The following CERS6 variants were observed in gnomAD, a reference collection of about 807,000 sequenced individuals.
CERS6 encodes the protein LAG1 homolog, ceramide synthase 6.
A neutral mutation model predicts 56.8 loss-of-function variants in CERS6; 26 were observed. The ratio of observed to expected loss-of-function variants is 0.46; its 90% CI spans 0.34 to 0.63. CERS6 has a LOEUF of 0.63. Among genes scored for constraint, CERS6 ranks in the 30% least tolerant of loss-of-function variants. The pLI is 0.01. For synonymous variants in CERS6, 164 were observed against 173.3 expected (o/e 0.95, Z 0.42); for missense variants, 415 against 467.5 (o/e 0.89, Z 1.04).
chr2:168,725,553 C>A (rs1251107115), intron 8 of CERS6, among the ~76,000 whole-genome samples: 1 of 152,224 alleles, frequency 6.6e-6, no homozygotes, highest in South Asian at 2.1e-4. Flanking sequence ...TAACAACAGA[C>A]TTTCATATCA....
Position 168,650,375 on chromosome 2 carries a change from C to T in CERS6, c.465+19333C>T, listed in dbSNP as rs182001134. Among the ~76,000 whole-genome samples, 119 of 152,324 alleles carry T rather than the reference C, an allele frequency of 7.8e-4. 2 individuals carry two copies. The highest frequency in any genetic ancestry group is 6.7e-3 in the Admixed American group (102 of 15,294). On this transcript the variant is annotated intron_variant, in intron 4 of 9. Coordinates refer to ENST00000305747, the MANE Select transcript of CERS6 (RefSeq NM_203463.3). ...ACTCTGTTACTGTCTGTCCGTTCACCAGCACATCATTGACAGAGCTTGGGA... is the reference window on the plus strand; with the variant it reads ...ACTCTGTTACTGTCTGTCCGTTCACTAGCACATCATTGACAGAGCTTGGGA...
At chr2:168,630,301 TACACACACACACACAC>T (rs3066962) in intron 3 of CERS6, among the ~76,000 whole-genome samples, 5 of 140,020 alleles carry the variant, frequency 3.6e-5, no homozygotes, top group Admixed American at 2.7e-4. Flanking sequence ...GTAATAAGTA[TACACACACACACACAC>T]ACACACACAC....
Position 168,631,823 on chromosome 2 carries a change from T to A in CERS6, c.465+781T>A, listed in dbSNP as rs1371327730. ...TATATATTATATAATTTATTATATATTATATAATATATATTATATAATATA... is the reference window on the plus strand; with the variant it reads ...TATATATTATATAATTTATTATATAATATATAATATATATTATATAATATA... On this transcript the variant is annotated intron_variant, in intron 4 of 9. Coordinates refer to ENST00000305747, the MANE Select transcript of CERS6 (RefSeq NM_203463.3). Among the ~76,000 whole-genome samples the A allele has an allele frequency of 4.6e-5, 6 of 131,062 alleles. 1 individual carries two copies. The East Asian group carries it at 6.6e-4, about 14-fold the overall frequency. 86.0% of individuals were successfully genotyped at this position (131,062 alleles called of 152,430 possible).
intron 8 of CERS6, among the ~76,000 whole-genome samples, chr2:168,760,223 A>G (rs926266708): frequency 6.6e-6 from 1 of 152,198 alleles, no homozygotes; most frequent in African/African-American, 2.4e-5. Flanking sequence ...AAGGTCCCAC[A>G]GTAGGCTGGC....
At chr2:168,474,393 A>C (rs1229346955) in intron 1 of CERS6, among the ~76,000 whole-genome samples, 1 of 152,216 alleles carries the variant, frequency 6.6e-6, no homozygotes, top group African/African-American at 2.4e-5. Context: ...GCAGAGTTAA[A>C]ATTTTGATAA....
At chr2:168,533,814 G>C (rs1416260995) in intron 1 of CERS6, among the ~76,000 whole-genome samples, 1 of 152,056 alleles carries the variant, frequency 6.6e-6, no homozygotes, top group Non-Finnish European at 1.5e-5. Flanking sequence ...GTGTTTTCCA[G>C]CTTGTTTCCA....
chr2:168,462,434 A>C (rs1401269491), intron 1 of CERS6, among the ~76,000 whole-genome samples: 1 of 151,982 alleles, frequency 6.6e-6, no homozygotes, highest in African/African-American at 2.4e-5. Context: ...CCCCCTGGCC[A>C]CCTTTTAAAA....
intron 4 of CERS6, among the ~76,000 whole-genome samples, chr2:168,643,250 G>A (rs990680983): frequency 2.6e-5 from 4 of 152,120 alleles, no homozygotes; most frequent in Non-Finnish European, 5.9e-5. Flanking sequence ...TAATTAGTTT[G>A]ATTTCTTGTG....
chr2:168,552,286 A>G (rs1176053750), intron 2 of CERS6, among the ~76,000 whole-genome samples: 1 of 151,792 alleles, frequency 6.6e-6, no homozygotes, highest in East Asian at 1.9e-4. Context: ...AAATCTTTCA[A>G]AAAAACTTAC....
At chr2:168,585,079 AGTTGAAGTGGT>A (rs1254151775) in intron 3 of CERS6, among the ~76,000 whole-genome samples, 2 of 152,262 alleles carry the variant, frequency 1.3e-5, no homozygotes, top group African/African-American at 4.8e-5. Context: ...TGATTCTTCC[AGTTGAAGTGGT>A]ACTGAGCATG....
chr2:168,652,141 G>A (rs1472767184), intron 4 of CERS6, among the ~76,000 whole-genome samples: 8 of 151,670 alleles, frequency 5.3e-5, no homozygotes, highest in Admixed American at 5.2e-4. Flanking sequence ...TTGCTGATGG[G>A]CTGTTACGAC....
intron 4 of CERS6, among the ~76,000 whole-genome samples, chr2:168,633,162 C>CTTTT (rs569052274): frequency 0.016 from 2,255 of 139,032 alleles, 92 homozygotes; most frequent in East Asian, 0.16. Context: ...ATAACAAATG[C>CTTTT]TTTTTTTTTT....
At chr2:168,631,068 T>G in intron 4 of CERS6, 26 bp downstream of exon 4, 1 of 1,230,982 alleles carries the variant, frequency 8.1e-7, no homozygotes, top group South Asian at 1.4e-5. Context: ...CTATTTTACA[T>G]GATTCTTATG....
chr2:168,610,275 C>T (rs946120316), intron 3 of CERS6, among the ~76,000 whole-genome samples: 1 of 152,120 alleles, frequency 6.6e-6, no homozygotes, highest in African/African-American at 2.4e-5. Flanking sequence ...CCACTCCCGG[C>T]CGACTGATTT....
Position 168,707,498 on chromosome 2 carries a change from G to A in CERS6, c.610-7503G>A, listed in dbSNP as rs138949024. The stretch of plus-strand genomic sequence containing the variant: ...TTCCTGTAAATATTTATCTTAGGGT[G>A]CATAGGCTATACATAAGAAAAAAGT... On this transcript the variant is annotated intron_variant, in intron 6 of 9. Transcript: ENST00000305747. 2.5e-3 allele frequency among the ~76,000 whole-genome samples: 375 copies of A among 152,242 alleles called. 1 individual carries two copies. Among genetic ancestry groups the A allele is most frequent in the African/African-American group, 8.4e-3 (350 of 41,544 alleles).
intron 1 of CERS6, among the ~76,000 whole-genome samples, chr2:168,495,181 A>G (rs1279057747): frequency 6.6e-6 from 1 of 152,202 alleles, no homozygotes; most frequent in Non-Finnish European, 1.5e-5. Flanking sequence ...TCTGACTCTC[A>G]TGATTGTGAA....
rs149085643 is a variant in CERS6 at position 168,717,929 on chromosome 2, A to G, written c.796A>G (p.Met266Val). The change falls in exon 8 of 10, where the codon ATG becomes GTG. Residue 266 changes from methionine (M) to valine (V), a missense_variant. By Grantham distance (21) the Met-to-Val change is conservative (BLOSUM62 1). Transcript: ENST00000305747. ...GAAAATGTGTGATCTCCTGTTTGTT[A>G]TGTTTGCCGTGGTTTTTATCACCAC... The part of the protein sequence containing the change: ...FQKMCDLLFV[M>V]FAVVFITTRL... 46 of 1,613,718 alleles carry G rather than the reference A, an allele frequency of 2.9e-5. No individual in the cohort carries two copies. Among genetic ancestry groups the G allele is most frequent in the Non-Finnish European group, 3.8e-5 (45 of 1,179,768 alleles).
At position 168,721,620 on chromosome 2, in the gene CERS6, TA is replaced by T. The variant is rs537701230; in HGVS notation, c.845+3658del. 7.7e-3 allele frequency among the ~76,000 whole-genome samples: 1,001 copies of T among 129,604 alleles called. 3 individuals carry two copies. The highest frequency in any genetic ancestry group is 0.011 in the Non-Finnish European group (660 of 60,580). The allele number at this position is 129,604 out of a possible 152,430, so 85.0% of individuals were successfully genotyped here. A position where few individuals can be genotyped will look rare whatever the true frequency, so the allele number is the denominator to read the frequency against. On this transcript the variant is annotated intron_variant, in intron 8 of 9. Coordinates refer to ENST00000305747, the MANE Select transcript of CERS6 (RefSeq NM_203463.3). ...AAGAAAAAGAACATTTGGTAGTGTT[TA>T]AAAAAAAAAAAAAAACCAACGGGGT...
chr2:168,535,701 C>T (rs1695250953), intron 1 of CERS6, among the ~76,000 whole-genome samples: 1 of 132,228 alleles, frequency 7.6e-6, no homozygotes, highest in Non-Finnish European at 1.6e-5. Flanking sequence ...ATGAGGATGA[C>T]CATCTTTTCA....
Sources: allele counts gnomAD v4.1 joint callset (sites outside exome capture counted in the v4.1 genomes callset), GRCh38; gene constraint gnomAD v4.1.1; transcripts MANE v1.5; gene names NCBI Gene and HGNC (gene_info 2026-07-23, HGNC 2026-07-21).